The following EXOC4 variants were observed in gnomAD, a reference collection of about 807,000 sequenced individuals.
The protein encoded by EXOC4 is exocyst complex component 4.
A neutral mutation model predicts 107.2 loss-of-function variants in EXOC4; 71 were observed. The observed-to-expected ratio is 0.66, with a 90% CI of 0.55 to 0.81. The LOEUF is 0.81. EXOC4 is among the 30% of genes least tolerant of loss of function. The probability of loss-of-function intolerance (pLI) is 0.00; values close to 1 mark genes in which losing one functional copy is unlikely to be tolerated. For synonymous variants in EXOC4, 456 were observed against 441.2 expected (o/e 1.03, Z -0.42); for missense variants, 1,108 against 1,189.6 (o/e 0.93, Z 1.01).
chr7:133,429,133 T>C (rs184638864), intron 7 of EXOC4, among the ~76,000 whole-genome samples: 336 of 152,236 alleles, frequency 2.2e-3, no homozygotes, highest in Non-Finnish European at 3.5e-3. Context: ...AGTGAGGATA[T>C]TGATTTAGTA....
chr7:133,694,686 G>A (rs1282913051), intron 10 of EXOC4, among the ~76,000 whole-genome samples: 1 of 152,140 alleles, frequency 6.6e-6, no homozygotes, highest in Non-Finnish European at 1.5e-5. Context: ...TGGGATATCT[G>A]TCACTGTAAA....
chr7:133,299,273 A>C (rs941508129), intron 3 of EXOC4, among the ~76,000 whole-genome samples: 1 of 151,948 alleles, frequency 6.6e-6, no homozygotes, highest in African/African-American at 2.4e-5. Flanking sequence ...TTAGGGTGGG[A>C]CCCCAGTCTT....
intron 9 of EXOC4, among the ~76,000 whole-genome samples, chr7:133,552,589 C>T (rs542284790): frequency 2.0e-5 from 3 of 152,248 alleles, no homozygotes; most frequent in Non-Finnish European, 4.4e-5. Flanking sequence ...GCAGATTGGA[C>T]TGTTTCTGCA....
chr7:133,503,914 C>T (rs548745904), intron 9 of EXOC4, among the ~76,000 whole-genome samples: 7 of 151,988 alleles, frequency 4.6e-5, no homozygotes, highest in Admixed American at 2.0e-4. Flanking sequence ...GAAGAAGTTA[C>T]CAAGTTTTCA....
chr7:133,508,272 GGAGGTCTTGTGAA>G (rs1799703293), intron 9 of EXOC4, among the ~76,000 whole-genome samples: 2 of 152,080 alleles, frequency 1.3e-5, no homozygotes, highest in Non-Finnish European at 2.9e-5. Flanking sequence ...TCAAATGCCT[GGAGGTCTTGTGAA>G]CACAGCTTGC....
chr7:133,433,143 G>A (rs934977544), intron 7 of EXOC4, among the ~76,000 whole-genome samples: 4 of 152,120 alleles, frequency 2.6e-5, no homozygotes, highest in Admixed American at 1.3e-4. Context: ...TTCCATAAGC[G>A]GTAGGATACC....
the EXOC4 span, among the ~76,000 whole-genome samples, chr7:134,095,799 T>C: frequency 6.5e-3 from 997 of 152,228 alleles, 13 homozygotes; most frequent in African/African-American, 0.017. Context: ...CCCCTACATT[T>C]CACCTTATAA....
At chr7:133,951,612 TCATTCTGCC>T (rs528942110) in intron 14 of EXOC4, among the ~76,000 whole-genome samples, 131 of 152,320 alleles carry the variant, frequency 8.6e-4, no homozygotes, top group African/African-American at 3.1e-3. Context: ...GATAGCTGGG[TCATTCTGCC>T]CATTCTGCCT....
At chr7:133,546,700 G>T (rs1382944114) in intron 9 of EXOC4, among the ~76,000 whole-genome samples, 1 of 152,026 alleles carries the variant, frequency 6.6e-6, no homozygotes, top group African/African-American at 2.4e-5. Flanking sequence ...CCAGCCTCTG[G>T]CAACCTGATT....
At chr7:133,716,318 G>A (rs1274650987) in intron 10 of EXOC4, among the ~76,000 whole-genome samples, 4 of 152,202 alleles carry the variant, frequency 2.6e-5, no homozygotes, top group African/African-American at 9.6e-5. Flanking sequence ...ATTGAAAAAT[G>A]TAAGGGCTTG....
chr7:133,869,737 C>A (rs372235299), intron 11 of EXOC4, among the ~76,000 whole-genome samples: 14 of 152,236 alleles, frequency 9.2e-5, no homozygotes, highest in Admixed American at 8.5e-4. Flanking sequence ...TTAAGGGGCA[C>A]GAGGGAACAG....
In EXOC4 at chr7:133,686,295, G is replaced by C. The variant is rs1473294890; in HGVS notation, c.1514+56154G>C. Reference sequence around the variant, plus strand: ...TAGGTATTATAAGCAACAGAAAATGGATCGAAACATATTTTGAGTTCAGAA... The same window carrying C: ...TAGGTATTATAAGCAACAGAAAATGCATCGAAACATATTTTGAGTTCAGAA... On this transcript the variant is annotated intron_variant, in intron 10 of 17. Transcript: ENST00000253861. Among the ~76,000 whole-genome samples, 3 of 152,140 alleles carry C rather than the reference G, an allele frequency of 2.0e-5. No homozygotes were observed. The East Asian group carries it at 5.8e-4, about 29-fold the overall frequency.
At position 133,352,245 on chromosome 7, in the gene EXOC4, A is replaced by G. The variant is rs150108482; in HGVS notation, c.764-4085A>G. Among the ~76,000 whole-genome samples, 287 of 152,032 alleles carry G rather than the reference A, an allele frequency of 1.9e-3. 1 individual carries two copies. Among genetic ancestry groups the G allele is most frequent in the Non-Finnish European group, 3.0e-3 (203 of 67,882 alleles). ...TTCCTTATTTCTGTCTGGTTGTTCT[A>G]TCAATTATCGAGAGTAGGGTATTGA... On this transcript the variant is annotated intron_variant, in intron 5 of 17. Coordinates refer to ENST00000253861, the MANE Select transcript of EXOC4 (RefSeq NM_021807.4).
intron 10 of EXOC4, among the ~76,000 whole-genome samples, chr7:133,656,172 T>C (rs1803289894): frequency 6.6e-6 from 1 of 152,180 alleles, no homozygotes; most frequent in African/African-American, 2.4e-5. Context: ...ATTTGTAGTA[T>C]AGAAGGACTT....
chr7:134,027,749 G>A (rs557128288), intron 17 of EXOC4, among the ~76,000 whole-genome samples: 1 of 151,884 alleles, frequency 6.6e-6, no homozygotes, highest in African/African-American at 2.4e-5. Context: ...GACGGGATTT[G>A]AATTTGGTAA....
chr7:134,071,614 G>T, the EXOC4 span, among the ~76,000 whole-genome samples: 2 of 152,142 alleles, frequency 1.3e-5, no homozygotes, highest in Admixed American at 6.6e-5. Flanking sequence ...GCATAACATT[G>T]TTCTTGGGTG....
chr7:133,750,711 C>T (rs1229234736), intron 10 of EXOC4, among the ~76,000 whole-genome samples: 1 of 151,982 alleles, frequency 6.6e-6, no homozygotes, highest in African/African-American at 2.4e-5. Flanking sequence ...TCCCAAGTAG[C>T]TGGGACCATA....
At chr7:133,467,683 G>T (rs528418027) in intron 7 of EXOC4, among the ~76,000 whole-genome samples, 1 of 146,976 alleles carries the variant, frequency 6.8e-6, no homozygotes, top group Admixed American at 6.9e-5. Context: ...TGAAATATTC[G>T]TTATTTACTG....
chr7:134,025,911 A>T (rs1326211564), intron 17 of EXOC4, among the ~76,000 whole-genome samples: 4 of 152,186 alleles, frequency 2.6e-5, no homozygotes, highest in Non-Finnish European at 5.9e-5. Flanking sequence ...AGAGGCATGA[A>T]TGACGGGAGG....
Sources: gnomAD v4.1 joint callset for allele counts (sites outside exome capture counted in the v4.1 genomes callset) on GRCh38, gnomAD v4.1.1 for gene constraint, MANE v1.5 for transcripts, NCBI Gene and HGNC (gene_info 2026-07-23, HGNC 2026-07-21) for gene names.